Variants in PTCD1 observed in about 807,000 individuals in gnomAD.
PTCD1 encodes the protein pentatricopeptide repeat-containing protein 1, mitochondrial.
In PTCD1, 50 loss-of-function variants were observed where a neutral mutation model predicts 53.4. The observed-to-expected ratio is 0.94, with a 90% confidence interval of 0.75 to 1.19. PTCD1 has a LOEUF of 1.19. Ranked by LOEUF, PTCD1 falls within the 50% of genes most tolerant of loss-of-function variation. The probability of loss-of-function intolerance (pLI) is 0.00; values close to 1 mark genes in which losing one functional copy is unlikely to be tolerated. For synonymous variants in PTCD1, 413 were observed against 394.8 expected, an observed-to-expected ratio of 1.05 and a Z score of -0.55; for missense variants, 918 against 904.8, an observed-to-expected ratio of 1.01 and a Z score of -0.19.
At chr7:99,426,814 G>A (rs1461233976) in intron 5 of PTCD1, among the ~76,000 whole-genome samples, 70 of 144,014 alleles carry the variant, frequency 4.9e-4, no homozygotes, top group Non-Finnish European at 9.0e-4. Context: ...TGTGGGGAGC[G>A]CCTCTGCCCC....
At position 99,418,061 on chromosome 7, in the gene PTCD1, G is replaced by C; in HGVS notation, c.*1906C>G. ...TGGCTCACTGCAACCTCCACCTCCC[G>C]GGTTCAAGCGGTTCTCCTGCCTCAT... On this transcript the variant is annotated 3_prime_UTR_variant, in exon 8 of 8. Transcript: ENST00000292478. 1.0e-6 allele frequency: 1 copy of C among 963,784 alleles called. No homozygotes were observed. The highest frequency in any genetic ancestry group is 1.3e-6 in the Non-Finnish European group (1 of 775,154). The allele number at this position is 963,784 out of a possible 1,614,324, so 59.7% of individuals were successfully genotyped here.
intron 3 of PTCD1, among the ~76,000 whole-genome samples, chr7:99,430,030 G>A (rs534515686): frequency 1.4e-4 from 21 of 152,316 alleles, no homozygotes; most frequent in African/African-American, 4.6e-4. Context: ...CCAAACAGGA[G>A]CTACCCTGCC....
chr7:99,421,556 AAGATGGTGAAACCCC>A (rs1467466160), intron 7 of PTCD1, among the ~76,000 whole-genome samples: 1 of 151,346 alleles, frequency 6.6e-6, no homozygotes, highest in Non-Finnish European at 1.5e-5. Flanking sequence ...CAGCCTGGCC[AAGATGGTGAAACCCC>A]GTCTCTACTA....
rs1482383811 is a variant in PTCD1, at chr7:99,418,404, G to GC, written c.*1562_*1563insG. 1.3e-3 allele frequency: 206 copies of GC among 154,918 alleles called. 1 individual carries two copies. Among genetic ancestry groups the GC allele is most frequent in the African/African-American group, 4.8e-3 (198 of 41,596 alleles). The allele number at this position is 154,918 out of a possible 1,614,324, so 9.6% of individuals were successfully genotyped here. A position where few individuals can be genotyped will look rare whatever the true frequency, so the allele number is the denominator to read the frequency against. ...TGAAAGGCAGCTGTGGCCCGAGGCA[G>GC]AGTCACAGCAGTGGCCGCTCAGTGC... On this transcript the variant is annotated 3_prime_UTR_variant, in exon 8 of 8. Transcript: ENST00000292478.
At chr7:99,437,450 G>A (rs969659735) in intron 1 of PTCD1, among the ~76,000 whole-genome samples, 1 of 151,100 alleles carries the variant, frequency 6.6e-6, no homozygotes, top group Admixed American at 6.6e-5. Context: ...GACTACAGAC[G>A]CATGCCACCA....
chr7:99,420,034 G>T lies in PTCD1; in HGVS notation c.2036C>A (p.Thr679Asn). 1 of 1,614,196 alleles carries T rather than the reference G, an allele frequency of 6.2e-7. No homozygotes were observed. Among genetic ancestry groups the T allele is most frequent in the Non-Finnish European group, 8.5e-7 (1 of 1,180,022 alleles). Reference sequence around the variant, plus strand: ...GGTGTCCTGGTCCCCCTGGGGCTTGGTCCGGAACTTCTGCCAGGGGTGCGG... The same window carrying T: ...GGTGTCCTGGTCCCCCTGGGGCTTGTTCCGGAACTTCTGCCAGGGGTGCGG... ...ETPHPWQKFR[T>N]KPQGDQDTGK... Residue 679 changes from threonine (T) to asparagine (N), a missense_variant, in exon 8 of 8, where the codon ACC becomes AAC. Thr to Asn is a moderately conservative substitution (Grantham distance 65, BLOSUM62 0). Coordinates refer to ENST00000292478, the MANE Select transcript of PTCD1 (RefSeq NM_015545.4).
At chr7:99,425,730 T>C (rs2150950624) in intron 5 of PTCD1, 114 bp from the exon 6 acceptor site, 1 of 1,395,498 alleles carries the variant, frequency 7.2e-7, no homozygotes, top group African/African-American at 1.4e-5. Flanking sequence ...TCCCTTGAGA[T>C]CAGGAGTTCG....
rs769510144 is a variant in PTCD1, at chr7:99,417,437, G to A, written c.*2530C>T. ...CCCCATCTTTTTGACAGAACTCTAT[G>A]AATATTGTATTAAAGAAGGCTATGC... On this transcript the variant is annotated 3_prime_UTR_variant, in exon 8 of 8. Transcript: ENST00000292478. 6.2e-7 allele frequency: 1 copy of A among 1,613,918 alleles called. No individual in the cohort carries two copies. The highest frequency in any genetic ancestry group is 1.1e-5 in the South Asian group (1 of 91,046).
At chr7:99,427,858 AT>A (rs1796115619) in intron 5 of PTCD1, among the ~76,000 whole-genome samples, 1 of 151,634 alleles carries the variant, frequency 6.6e-6, no homozygotes, top group Non-Finnish European at 1.5e-5. Context: ...GGTTAAATGG[AT>A]TAAGGGTGGT....
In PTCD1 at chr7:99,417,325, T is replaced by C; in HGVS notation, c.*2642A>G. ...GCCTCGGCCTCCCAAAGTGCTGGGATTACAGGTGTGAGCCACTGCACCCGG... is the reference window on the plus strand; with the variant it reads ...GCCTCGGCCTCCCAAAGTGCTGGGACTACAGGTGTGAGCCACTGCACCCGG... On this transcript the variant is annotated 3_prime_UTR_variant, in exon 8 of 8. Coordinates refer to ENST00000292478, the MANE Select transcript of PTCD1 (RefSeq NM_015545.4). 4.2e-6 allele frequency: 5 copies of C among 1,196,676 alleles called. No homozygotes were observed. The highest frequency in any genetic ancestry group is 6.1e-6 in the Non-Finnish European group (5 of 816,326). The allele number at this position is 1,196,676 out of a possible 1,614,324, so 74.1% of individuals were successfully genotyped here. A position where few individuals can be genotyped will look rare whatever the true frequency, so the allele number is the denominator to read the frequency against.
At chr7:99,427,433 G>T (rs1278438632) in intron 5 of PTCD1, among the ~76,000 whole-genome samples, 6 of 149,836 alleles carry the variant, frequency 4.0e-5, no homozygotes, top group African/African-American at 1.5e-4. Context: ...CTACTGGGAA[G>T]TGAGGAGCCC....
At position 99,425,375 on chromosome 7, in the gene PTCD1, C is replaced by A; in HGVS notation, c.1157G>T (p.Arg386Met). The change falls in exon 6 of 8, where the codon AGG becomes ATG. Residue 386 changes from arginine to methionine, a missense_variant. By Grantham distance (91) the Arg-to-Met change is moderately conservative. Coordinates refer to ENST00000292478, the MANE Select transcript of PTCD1 (RefSeq NM_015545.4). Reference protein sequence around the residue: ...SAMLHVEALERQLFLEPSQAL... With the variant: ...SAMLHVEALEMQLFLEPSQAL... Reference sequence around the variant, plus strand: ...CTGAGAAGGTTCCAGAAACAGCTGCCTCTCCAGGGCCTCCACATGCAGCAT... The same window carrying A: ...CTGAGAAGGTTCCAGAAACAGCTGCATCTCCAGGGCCTCCACATGCAGCAT... 6.2e-7 allele frequency: 1 copy of A among 1,614,200 alleles called. No individual in the cohort carries two copies. Among genetic ancestry groups the A allele is most frequent in the Non-Finnish European group, 8.5e-7 (1 of 1,180,032 alleles).
Position 99,419,530 on chromosome 7 carries a change from G to T in PTCD1, c.*437C>A. ...CCTGGGAGCAGCGAGCAGTGCCCCA[G>T]GCCCGAGTTGGAGCACGGTCTCTAT... On this transcript the variant is annotated 3_prime_UTR_variant, in exon 8 of 8. Transcript: ENST00000292478. The T allele has an allele frequency of 6.8e-7, 1 of 1,472,810 alleles. No homozygotes were observed. 91.2% of individuals were successfully genotyped at this position (1,472,810 alleles called of 1,614,324 possible).
At chr7:99,424,051 A>G (rs1795928976) in intron 6 of PTCD1, 94 bp from the exon 7 acceptor site, 1 of 1,537,716 alleles carries the variant, frequency 6.5e-7, no homozygotes, top group Non-Finnish European at 8.8e-7. Flanking sequence ...TCCCGGGACC[A>G]GCGGCCAGGG....
chr7:99,428,708 C>G (rs911087469), intron 5 of PTCD1, among the ~76,000 whole-genome samples: 2 of 152,206 alleles, frequency 1.3e-5, no homozygotes, highest in South Asian at 2.1e-4. Context: ...TCACTCCAGC[C>G]TGGGCAAGAG....
At position 99,420,072 on chromosome 7, in the gene PTCD1, G is replaced by T; in HGVS notation, c.1998C>A (p.Pro666=). Residue 666 remains proline (P), a synonymous_variant, in exon 8 of 8, where the codon CCC becomes CCA. Transcript: ENST00000292478. ...GCCAGGGGTGCGGGGTTTCCTCTGC[G>T]GGCATCACTGTCAGCCACTGCTTGT... The part of the protein sequence containing the change: ...AYYKQWLTVM[P]AEETPHPWQK... The T allele has an allele frequency of 6.2e-7, 1 of 1,614,204 alleles. No homozygotes were observed. Among genetic ancestry groups the T allele is most frequent in the Non-Finnish European group, 8.5e-7 (1 of 1,180,022 alleles).
chr7:99,424,709 G>A, intron 6 of PTCD1, 86 bp downstream of exon 6: 4 of 1,530,720 alleles, frequency 2.6e-6, no homozygotes, highest in South Asian at 1.2e-5. Flanking sequence ...CAGGTGGGGG[G>A]TCTGCAGACC....
intron 5 of PTCD1, among the ~76,000 whole-genome samples, chr7:99,427,498 G>A (rs1337763443): frequency 3.4e-5 from 5 of 147,264 alleles, no homozygotes; most frequent in African/African-American, 5.0e-5. Flanking sequence ...TCAGCCCCCC[G>A]CCCAGCCAGC....
intron 3 of PTCD1, among the ~76,000 whole-genome samples, chr7:99,432,527 C>T (rs1176159072): frequency 2.0e-5 from 3 of 152,182 alleles, no homozygotes; most frequent in Admixed American, 6.6e-5. Flanking sequence ...TCCCCCTCTC[C>T]GAGATGGTAG....
Sources: allele counts gnomAD v4.1 joint callset (sites outside exome capture counted in the v4.1 genomes callset), GRCh38; gene constraint gnomAD v4.1.1; transcripts MANE v1.5; gene names NCBI Gene and HGNC (gene_info 2026-07-23, HGNC 2026-07-21).